VPS13B: variants seen among roughly 807,000 people sequenced by gnomAD.
VPS13B encodes the protein intermembrane lipid transfer protein VPS13B.
VPS13B carries 285 observed loss-of-function variants against 426.4 expected under a neutral mutation model. The ratio of observed to expected loss-of-function variants is 0.67; its 90% confidence interval spans 0.61 to 0.74. The LOEUF is 0.74. Among genes scored for constraint, VPS13B ranks in the 30% least tolerant of loss-of-function variants. VPS13B has a pLI of 0.00. For missense variants in VPS13B, 4,537 were observed against 4,782.6 expected (o/e 0.95, Z 1.51); for synonymous variants, 1,676 against 1,676.4 (o/e 1.00, Z 0.01).
chr8:99,370,338 A>G (rs1813107547), intron 19 of VPS13B, among the ~76,000 whole-genome samples: 1 of 152,174 alleles, frequency 6.6e-6, no homozygotes, highest in South Asian at 2.1e-4. Context: ...CTCTGAAGAG[A>G]TCATAGAGAA....
chr8:99,511,428 C>T lies in VPS13B; in HGVS notation c.4549C>T (p.Arg1517Cys), dbSNP rs375652507. ...CATGAGGACCCATACACTGACATCC[C>T]GCAATTTACCTTTGATTTATGTCAA... Reference protein sequence around the residue: ...QPMRTHTLTSRNLPLIYVNTS... With the variant: ...QPMRTHTLTSCNLPLIYVNTS... The change falls in exon 29 of 62, where the codon CGC (arginine) becomes TGC (cysteine). Residue 1517 changes from arginine to cysteine, a missense_variant. Coordinates refer to ENST00000357162, the MANE Select transcript of VPS13B (RefSeq NM_152564.5). 7.4e-5 allele frequency: 119 copies of T among 1,613,166 alleles called. No homozygotes were observed. The highest frequency in any genetic ancestry group is 9.1e-5 in the Non-Finnish European group (107 of 1,179,862).
chr8:99,364,385 G>A (rs1032302552), intron 19 of VPS13B, among the ~76,000 whole-genome samples: 1 of 151,764 alleles, frequency 6.6e-6, no homozygotes, highest in African/African-American at 2.4e-5. Context: ...ATTTTGTTGA[G>A]GATTTTTCCA....
At chr8:99,700,693 C>T (rs1226833720) in intron 36 of VPS13B, among the ~76,000 whole-genome samples, 1 of 152,160 alleles carries the variant, frequency 6.6e-6, no homozygotes, top group East Asian at 1.9e-4. Context: ...CTTCTGTTAC[C>T]ATGACTAAAT....
At chr8:99,349,358 A>T (rs1487630205) in intron 19 of VPS13B, among the ~76,000 whole-genome samples, 1 of 149,932 alleles carries the variant, frequency 6.7e-6, no homozygotes, top group Non-Finnish European at 1.5e-5. Context: ...AAAAAAAAGA[A>T]AATAGCATGC....
At chr8:99,543,307 C>T (rs571305754) in intron 30 of VPS13B, among the ~76,000 whole-genome samples, 170 of 151,494 alleles carry the variant, frequency 1.1e-3, no homozygotes, top group African/African-American at 3.9e-3. Context: ...ATACAAAAAT[C>T]AATTCAAGAT....
chr8:99,129,832 G>A (rs73281685), intron 8 of VPS13B, among the ~76,000 whole-genome samples: 2,521 of 152,084 alleles, frequency 0.017, 66 homozygotes, highest in African/African-American at 0.058. Context: ...ATCCAACCTG[G>A]GCAACATGGT....
At chr8:99,353,752 C>A (rs933185923) in intron 19 of VPS13B, among the ~76,000 whole-genome samples, 1 of 152,102 alleles carries the variant, frequency 6.6e-6, no homozygotes, top group Admixed American at 6.5e-5. Context: ...TGTTTTCCCC[C>A]CAAAGTGACT....
At chr8:99,791,265 C>A (rs933231289) in intron 43 of VPS13B, among the ~76,000 whole-genome samples, 2 of 152,134 alleles carry the variant, frequency 1.3e-5, no homozygotes, top group South Asian at 2.1e-4. Context: ...GGCCAACTTT[C>A]ATGGTGTAAA....
chr8:99,761,987 C>T lies in VPS13B; in HGVS notation c.7051-4787C>T, dbSNP rs373954698. ...ATATGCTTTTTCTCAACTCATTTGC[C>T]CTTCCCTTGTCCACTGAGTTTTTGT... is the stretch of plus-strand genomic sequence containing the variant. On this transcript the variant is annotated intron_variant, in intron 39 of 61. Transcript: ENST00000357162. 3.6e-4 allele frequency among the ~76,000 whole-genome samples: 55 copies of T among 151,896 alleles called. 1 individual carries two copies. The South Asian group carries it at 0.01, about 28-fold the overall frequency.
intron 7 of VPS13B, among the ~76,000 whole-genome samples, chr8:99,118,280 A>G (rs1847770230): frequency 6.6e-6 from 1 of 152,100 alleles, no homozygotes; most frequent in African/African-American, 2.4e-5. Context: ...CCCTTTCCCT[A>G]TTTATCAATA....
Position 99,376,797 on chromosome 8 carries a change from A to G in VPS13B, c.2825-7411A>G, listed in dbSNP as rs951747837. Among the ~76,000 whole-genome samples, 8 of 152,172 alleles carry G rather than the reference A, an allele frequency of 5.3e-5. No individual in the cohort carries two copies. In the South Asian group the frequency reaches 8.3e-4, roughly 16 times the overall value. On this transcript the variant is annotated intron_variant, in intron 19 of 61. Coordinates refer to ENST00000357162, the MANE Select transcript of VPS13B (RefSeq NM_152564.5). Reference sequence around the variant, plus strand: ...TTTAAATTTATATGCCATTTTGTTTACTAGGTTTTGAAATTTTTTCATCAT... The same window carrying G: ...TTTAAATTTATATGCCATTTTGTTTGCTAGGTTTTGAAATTTTTTCATCAT...
intron 19 of VPS13B, among the ~76,000 whole-genome samples, chr8:99,336,470 T>C (rs552292069): frequency 1.6e-4 from 25 of 152,204 alleles, no homozygotes; most frequent in African/African-American, 3.4e-4. Flanking sequence ...ACTTCATGTC[T>C]AAAACACCAA....
At chr8:99,726,763 CCAGGCTGGT>C (rs1295908337) in intron 39 of VPS13B, among the ~76,000 whole-genome samples, 1 of 152,190 alleles carries the variant, frequency 6.6e-6, no homozygotes, top group Non-Finnish European at 1.5e-5. Flanking sequence ...ACCATGTTGG[CCAGGCTGGT>C]CTCGAACTCC....
In VPS13B at chr8:99,162,479, G is replaced by C. The variant is rs1181488162; in HGVS notation, c.2208+5736G>C. 2.0e-5 allele frequency among the ~76,000 whole-genome samples: 3 copies of C among 152,312 alleles called. No individual in the cohort carries two copies. The East Asian group carries it at 5.8e-4, about 29-fold the overall frequency. On this transcript the variant is annotated intron_variant, in intron 15 of 61. Transcript: ENST00000357162. ...AAGAATGAAGCCGCGGACCCTCGCG[G>C]TGAGTGTTACAGCTCTTAAGGTGGC...
chr8:99,122,990 G>A (rs777643994), intron 8 of VPS13B, among the ~76,000 whole-genome samples: 2 of 151,662 alleles, frequency 1.3e-5, no homozygotes, highest in Non-Finnish European at 2.9e-5. Context: ...GCGTGGTGAC[G>A]CATGCCTGTA....
chr8:99,539,314 A>G (rs541367438), intron 30 of VPS13B, among the ~76,000 whole-genome samples: 1 of 152,308 alleles, frequency 6.6e-6, no homozygotes, highest in East Asian at 1.9e-4. Context: ...GTATAATTCA[A>G]AAACATTAAT....
intron 19 of VPS13B, among the ~76,000 whole-genome samples, chr8:99,284,994 C>T (rs1819359268): frequency 6.6e-6 from 1 of 152,124 alleles, no homozygotes; most frequent in South Asian, 2.1e-4. Flanking sequence ...ATTAATTATT[C>T]TTTTCACAAT....
chr8:99,209,860 T>G (rs1814971883), intron 17 of VPS13B: 1 of 543,114 alleles, frequency 1.8e-6, no homozygotes. Context: ...GTTACAGAAC[T>G]TAAAGTTTAT....
intron 35 of VPS13B, among the ~76,000 whole-genome samples, chr8:99,667,550 T>TTAG (rs1445688515): frequency 6.6e-6 from 1 of 152,204 alleles, no homozygotes; most frequent in Admixed American, 6.5e-5. Flanking sequence ...ATCAGCTGTG[T>TTAG]GTGACTTCTT....
Sources: allele counts gnomAD v4.1 joint callset (sites outside exome capture counted in the v4.1 genomes callset), GRCh38; gene constraint gnomAD v4.1.1; transcripts MANE v1.5; gene names NCBI Gene and HGNC (gene_info 2026-07-23, HGNC 2026-07-21).